ROR1: variants seen among roughly 807,000 people sequenced by gnomAD.
ROR1 encodes ROR family WNT receptor 1.
ROR1 carries 19 observed loss-of-function variants against 78.8 expected under a neutral mutation model. That is an observed-to-expected ratio of 0.24 (90% CI 0.17 to 0.35). ROR1 has a LOEUF of 0.35. Among genes scored for constraint, ROR1 ranks in the 10% least tolerant of loss-of-function variants. The pLI, the probability that ROR1 is intolerant of heterozygous loss-of-function variation, is 1.00. For missense variants in ROR1, 917 were observed against 1,177.8 expected (o/e 0.78, Z 3.24); for synonymous variants, 386 against 433.6 (o/e 0.89, Z 1.36).
At chr1:63,921,626 T>C (rs1645655279) in intron 1 of ROR1, among the ~76,000 whole-genome samples, 1 of 137,346 alleles carries the variant, frequency 7.3e-6, no homozygotes, top group African/African-American at 2.7e-5. Context: ...AAAGGAAGAA[T>C]GTACGCTATC....
At chr1:63,834,184 C>T (rs1490552220) in intron 1 of ROR1, among the ~76,000 whole-genome samples, 1 of 146,784 alleles carries the variant, frequency 6.8e-6, no homozygotes, top group Non-Finnish European at 1.5e-5. Flanking sequence ...ATGGAGAAGC[C>T]TCCGGAAGCA....
At chr1:63,925,259 C>T (rs1231793979) in intron 1 of ROR1, among the ~76,000 whole-genome samples, 69 of 148,200 alleles carry the variant, frequency 4.7e-4, no homozygotes, top group Admixed American at 1.6e-3. Flanking sequence ...TGAGAATATG[C>T]GGTGTCTGGT....
At chr1:63,846,089 A>G (rs1218494465) in intron 1 of ROR1, among the ~76,000 whole-genome samples, 1 of 150,704 alleles carries the variant, frequency 6.6e-6, no homozygotes, top group African/African-American at 2.4e-5. Flanking sequence ...AGTGAATTTT[A>G]TATTTTTTAT....
intron 4 of ROR1, among the ~76,000 whole-genome samples, chr1:64,110,421 G>T (rs1648043592): frequency 6.6e-6 from 1 of 152,056 alleles, no homozygotes; most frequent in Non-Finnish European, 1.5e-5. Flanking sequence ...CAGATATAGA[G>T]CTGGGTTTTG....
chr1:64,048,064 A>C (rs1646798199), intron 2 of ROR1, among the ~76,000 whole-genome samples: 1 of 152,328 alleles, frequency 6.6e-6, no homozygotes, highest in African/African-American at 2.4e-5. Flanking sequence ...GCAAATAATG[A>C]ATCAATTATT....
At chr1:63,916,622 T>C (rs1645611437) in intron 1 of ROR1, among the ~76,000 whole-genome samples, 1 of 152,222 alleles carries the variant, frequency 6.6e-6, no homozygotes, top group Non-Finnish European at 1.5e-5. Context: ...CTGTACACTT[T>C]GTTCCTGAAC....
intron 7 of ROR1, chr1:64,143,338 T>C (rs1299658632): frequency 1.1e-6 from 1 of 937,488 alleles, no homozygotes; most frequent in Admixed American, 6.7e-5. Flanking sequence ...CCAGGCAACA[T>C]AGTGAGACTC....
chr1:63,997,392 C>T (rs1038821871), intron 1 of ROR1, among the ~76,000 whole-genome samples: 1 of 152,196 alleles, frequency 6.6e-6, no homozygotes, highest in African/African-American at 2.4e-5. Context: ...TCAAGTTAGA[C>T]CTAAATATTT....
intron 1 of ROR1, among the ~76,000 whole-genome samples, chr1:63,864,841 G>GT (rs5774671): frequency 0.21 from 29,687 of 142,904 alleles, 6,564 homozygotes; most frequent in African/African-American, 0.57. Context: ...AAATTTCAAG[G>GT]TTTTTTTTTT....
chr1:64,083,506 A>G (rs1276264358), intron 4 of ROR1, among the ~76,000 whole-genome samples: 1 of 126,732 alleles, frequency 7.9e-6, no homozygotes, highest in Non-Finnish European at 1.8e-5. Flanking sequence ...AGCTAATTAG[A>G]GTAATAATTT....
intron 1 of ROR1, among the ~76,000 whole-genome samples, chr1:63,897,270 A>G (rs901878289): frequency 6.6e-6 from 1 of 152,246 alleles, no homozygotes; most frequent in Non-Finnish European, 1.5e-5. Context: ...TATGCATAAC[A>G]TACATAAATT....
At chr1:63,957,994 G>A (rs72912847) in intron 1 of ROR1, among the ~76,000 whole-genome samples, 4,413 of 151,928 alleles carry the variant, frequency 0.029, 227 homozygotes, top group African/African-American at 0.1. Flanking sequence ...TGCCTGCCTC[G>A]GCCTCTCAAA....
chr1:63,842,109 C>CA (rs1291113135), intron 1 of ROR1, among the ~76,000 whole-genome samples: 2 of 152,222 alleles, frequency 1.3e-5, no homozygotes, highest in Non-Finnish European at 2.9e-5. Flanking sequence ...AACAAACAAA[C>CA]AAAAAAACCA....
chr1:64,029,652 G>A (rs1019716469), intron 2 of ROR1, among the ~76,000 whole-genome samples: 9 of 152,170 alleles, frequency 5.9e-5, no homozygotes, highest in African/African-American at 1.9e-4. Context: ...GAGAGAGACA[G>A]ACTGACAGAG....
At chr1:63,947,351 A>G (rs958610504) in intron 1 of ROR1, among the ~76,000 whole-genome samples, 3 of 152,186 alleles carry the variant, frequency 2.0e-5, no homozygotes, top group African/African-American at 7.2e-5. Context: ...TCTGACCTCC[A>G]TGGATACTCC....
intron 2 of ROR1, among the ~76,000 whole-genome samples, chr1:64,016,367 A>C (rs779696041): frequency 1.3e-5 from 2 of 152,186 alleles, no homozygotes; most frequent in Non-Finnish European, 2.9e-5. Flanking sequence ...CTTACTAATA[A>C]TTTTTACATT....
intron 1 of ROR1, among the ~76,000 whole-genome samples, chr1:63,974,877 T>C (rs1201840631): frequency 1.3e-5 from 2 of 152,198 alleles, no homozygotes; most frequent in African/African-American, 4.8e-5. Context: ...AGGGGGACAG[T>C]GCAGAACTTG....
At chr1:63,974,694 G>A (rs1478237598) in intron 1 of ROR1, among the ~76,000 whole-genome samples, 1 of 152,074 alleles carries the variant, frequency 6.6e-6, no homozygotes, top group Non-Finnish European at 1.5e-5. Flanking sequence ...CTGGAGTGCA[G>A]TGGTATGATC....
chr1:64,067,446 A>C (rs1197910384), intron 4 of ROR1, among the ~76,000 whole-genome samples: 1 of 146,620 alleles, frequency 6.8e-6, no homozygotes, highest in Non-Finnish European at 1.5e-5. Context: ...CTCCGTCTCA[A>C]AAAAAAAAAA....
Sources: allele counts gnomAD v4.1 joint callset (sites outside exome capture counted in the v4.1 genomes callset), GRCh38; gene constraint gnomAD v4.1.1; transcripts MANE v1.5; gene names NCBI Gene and HGNC (gene_info 2026-07-23, HGNC 2026-07-21).